Variants in TOX3 observed in about 807,000 individuals in gnomAD.
TOX3 encodes the protein CAG trinucleotide repeat-containing gene F9 protein.
Under a neutral mutation model 64.3 loss-of-function variants are expected in TOX3, and 22 were observed. The ratio of observed to expected loss-of-function variants is 0.34; its 90% CI spans 0.24 to 0.49. The LOEUF is 0.49. Ranked by LOEUF, TOX3 falls within the 20% of genes least tolerant of loss-of-function variation. The pLI is 0.99. For missense variants in TOX3, 661 were observed against 714.4 expected (o/e 0.93, Z 0.85); for synonymous variants, 291 against 273.6 (o/e 1.06, Z -0.63).
intron 1 of TOX3, among the ~76,000 whole-genome samples, chr16:52,511,365 G>A (rs7500427): frequency 0.32 from 48,179 of 151,942 alleles, 7,945 homozygotes; most frequent in East Asian, 0.42. Context: ...GGTGGCAAGC[G>A]CCTGTAATCC....
At chr16:52,503,092 T>C (rs1293900265) in intron 1 of TOX3, among the ~76,000 whole-genome samples, 1 of 152,246 alleles carries the variant, frequency 6.6e-6, no homozygotes, top group Non-Finnish European at 1.5e-5. Flanking sequence ...GGTAATTTGC[T>C]GAAACTTGGT....
At position 52,439,027 on chromosome 16, in the gene TOX3, T is replaced by G. The variant is rs1298048984; in HGVS notation, c.*198A>C. On this transcript the variant is annotated 3_prime_UTR_variant, in exon 7 of 7. Coordinates refer to ENST00000219746, the MANE Select transcript of TOX3 (RefSeq NM_001080430.4). ...CAGCTTTTCTTGTTTAAAAACAAAG[T>G]GATTTATAGTCAGCTAAAAGATGTT... 1.2e-6 allele frequency: 1 copy of G among 808,538 alleles called. No individual in the cohort carries two copies. The highest frequency in any genetic ancestry group is 2.1e-6 in the Non-Finnish European group (1 of 475,134). 50.1% of individuals were successfully genotyped at this position (808,538 alleles called of 1,614,324 possible). A position where few individuals can be genotyped will look rare whatever the true frequency, so the allele number is the denominator to read the frequency against.
rs544450044 is a variant in TOX3 at position 52,486,858 on chromosome 16, C to A, written c.88-18284G>T. ...GGCTGAGACGGGGGTATCACTTGAG[C>A]CCTGGAAGTTGAGAGTGTATTAAGA... On this transcript the variant is annotated intron_variant, in intron 1 of 6. Coordinates refer to ENST00000219746, the MANE Select transcript of TOX3 (RefSeq NM_001080430.4). Among the ~76,000 whole-genome samples the A allele has an allele frequency of 4.0e-4, 61 of 152,148 alleles. 2 individuals carry two copies. Among genetic ancestry groups the A allele is most frequent in the African/African-American group, 1.4e-3 (59 of 41,514 alleles).
intron 1 of TOX3, among the ~76,000 whole-genome samples, chr16:52,537,752 C>T (rs994816359): frequency 2.0e-5 from 3 of 152,046 alleles, no homozygotes; most frequent in African/African-American, 7.2e-5. Flanking sequence ...GAGACTTGAT[C>T]CAGAAAAGCT....
rs1332752062 is a variant in TOX3, at chr16:52,512,541, A to T, written c.87+34096T>A. ...ATGTGCTTAAGATGCAGTTAGTGAC[A>T]AAAGAGGCCAAAGTCCATGCCCTTG... is the stretch of plus-strand genomic sequence containing the variant. On this transcript the variant is annotated intron_variant, in intron 1 of 6. Transcript: ENST00000219746. 3.3e-5 allele frequency among the ~76,000 whole-genome samples: 5 copies of T among 152,230 alleles called. No homozygotes were observed. The East Asian group carries it at 9.6e-4, about 29-fold the overall frequency.
Position 52,439,431 on chromosome 16 carries a change from G to A in TOX3, c.1525C>T (p.Gln509Ter). 2.0e-6 allele frequency: 3 copies of A among 1,530,604 alleles called. No individual in the cohort carries two copies. The highest frequency in any genetic ancestry group is 2.7e-6 in the Non-Finnish European group (3 of 1,125,642). The allele number at this position is 1,530,604 out of a possible 1,614,324, so 94.8% of individuals were successfully genotyped here. The change falls in exon 7 of 7, where the codon CAG (glutamine) becomes TAG (stop). Residue 509 changes from glutamine to a stop codon, truncating the protein, a stop_gained. Transcript: ENST00000219746. LOFTEE classifies it high-confidence loss of function. ...QQINQQQLQQ[Q>*]LQQRLQLQQL... The stretch of plus-strand genomic sequence containing the variant: ...TGCAGCTGGAGGCGCTGCTGCAGCT[G>A]CTGCTGCAGCTGCTGTTGATTAATT...
intron 1 of TOX3, among the ~76,000 whole-genome samples, chr16:52,476,234 A>AGT (rs1209413723): frequency 2.0e-5 from 3 of 152,208 alleles, no homozygotes; most frequent in Non-Finnish European, 4.4e-5. Flanking sequence ...TTCTTCAACA[A>AGT]GTTCTGTGGA....
In TOX3 at chr16:52,463,993, T is replaced by C; in HGVS notation, c.349A>G (p.Thr117Ala). Residue 117 changes from threonine to alanine, a missense_variant, in exon 3 of 7, where the codon ACA becomes GCA. By Grantham distance (58) the Thr-to-Ala change is moderately conservative (BLOSUM62 0). Transcript: ENST00000219746. Reference sequence around the variant, plus strand: ...TGTTCCACGAGATTTCTTGAGATTGTAATGGAAGGGAGGTCCAGGCTTTGA... The same window carrying C: ...TGTTCCACGAGATTTCTTGAGATTGCAATGGAAGGGAGGTCCAGGCTTTGA... ...PPQSLDLPSI[T>A]ISRNLVEQDG... 6.3e-7 allele frequency: 1 copy of C among 1,597,270 alleles called. No homozygotes were observed. The highest frequency in any genetic ancestry group is 1.1e-5 in the South Asian group (1 of 88,004).
intron 1 of TOX3, among the ~76,000 whole-genome samples, chr16:52,484,582 A>G (rs960018783): frequency 2.6e-5 from 4 of 152,210 alleles, no homozygotes; most frequent in African/African-American, 9.6e-5. Flanking sequence ...TCATTCTTAC[A>G]ACAAATATAT....
intron 1 of TOX3, among the ~76,000 whole-genome samples, chr16:52,508,350 C>T (rs991536641): frequency 6.6e-5 from 10 of 152,144 alleles, no homozygotes; most frequent in African/African-American, 1.9e-4. Context: ...ACATGTGCAA[C>T]AGCGTGCATA....
At chr16:52,464,238 A>G (rs1960787050) in intron 2 of TOX3, 50 bp from the exon 3 acceptor site, 1 of 1,390,586 alleles carries the variant, frequency 7.2e-7, no homozygotes, top group African/African-American at 1.5e-5. Context: ...CCTATATCTT[A>G]TTCCTCCGGG....
intron 1 of TOX3, among the ~76,000 whole-genome samples, chr16:52,510,778 A>AAAAG (rs574634087): frequency 0.02 from 2,283 of 114,528 alleles, 105 homozygotes; most frequent in African/African-American, 0.062. Context: ...AAAAAAAAAA[A>AAAAG]AAGAAGAAGA....
intron 1 of TOX3, among the ~76,000 whole-genome samples, chr16:52,541,177 T>C (rs1963070556): frequency 6.6e-6 from 1 of 152,146 alleles, no homozygotes; most frequent in African/African-American, 2.4e-5. Context: ...CAGGTGGTTC[T>C]TGTGCATGGT....
intron 1 of TOX3, among the ~76,000 whole-genome samples, chr16:52,493,352 G>C (rs28756860): frequency 0.28 from 42,224 of 151,998 alleles, 6,107 homozygotes; most frequent in South Asian, 0.39. Context: ...CAGCTCTTTG[G>C]GAAAGTGAGA....
chr16:52,511,441 A>G (rs1195614198), intron 1 of TOX3, among the ~76,000 whole-genome samples: 1 of 152,130 alleles, frequency 6.6e-6, no homozygotes, highest in Non-Finnish European at 1.5e-5. Context: ...GCAGTGGGCC[A>G]AGATTGTGCC....
intron 1 of TOX3, among the ~76,000 whole-genome samples, chr16:52,498,821 C>T (rs1961922281): frequency 6.6e-6 from 1 of 152,182 alleles, no homozygotes; most frequent in South Asian, 2.1e-4. Flanking sequence ...TCCGAGTGTG[C>T]GAACAAGCAC....
At chr16:52,493,930 C>T (rs1261167518) in intron 1 of TOX3, among the ~76,000 whole-genome samples, 2 of 152,316 alleles carry the variant, frequency 1.3e-5, no homozygotes, top group South Asian at 2.1e-4. Context: ...GGCACATGCT[C>T]TTTAAACATT....
intron 1 of TOX3, among the ~76,000 whole-genome samples, chr16:52,531,588 C>T (rs890469324): frequency 1.3e-5 from 2 of 152,006 alleles, no homozygotes; most frequent in African/African-American, 2.4e-5. Flanking sequence ...ACATTGCAAG[C>T]AATACAGGGT....
intron 1 of TOX3, among the ~76,000 whole-genome samples, chr16:52,471,747 A>T (rs528225505): frequency 6.6e-5 from 10 of 152,330 alleles, no homozygotes; most frequent in African/African-American, 2.2e-4. Flanking sequence ...TAGCCCAGTG[A>T]CACCCTCTAC....
Sources: allele counts gnomAD v4.1 joint callset (sites outside exome capture counted in the v4.1 genomes callset), GRCh38; gene constraint gnomAD v4.1.1; transcripts MANE v1.5; gene names NCBI Gene and HGNC (gene_info 2026-07-23, HGNC 2026-07-21).